CFAP299: variants seen among roughly 807,000 people sequenced by gnomAD.
The protein encoded by CFAP299 is cilia and flagella associated protein 299.
A neutral mutation model predicts 27.0 loss-of-function variants in CFAP299; 21 were observed. The ratio of observed to expected loss-of-function variants is 0.78; its 90% confidence interval spans 0.55 to 1.12. The LOEUF is 1.12. Ranked by LOEUF, CFAP299 falls within the 50% of genes most tolerant of loss-of-function variation. The pLI is 0.00. For missense variants in CFAP299, 310 were observed against 276.6 expected, an observed-to-expected ratio of 1.12 and a Z score of -0.86; for synonymous variants, 104 against 98.1, an observed-to-expected ratio of 1.06 and a Z score of -0.36.
intron 3 of CFAP299, among the ~76,000 whole-genome samples, chr4:80,690,037 A>T (rs964125588): frequency 6.7e-6 from 1 of 149,192 alleles, no homozygotes; most frequent in Admixed American, 6.6e-5. Context: ...ACCCAGATTC[A>T]TAAAGCAAGT....
chr4:80,806,382 T>C (rs17004991), intron 3 of CFAP299, among the ~76,000 whole-genome samples: 11,778 of 152,256 alleles, frequency 0.077, 531 homozygotes, highest in African/African-American at 0.1. Flanking sequence ...TCTGGAGTTG[T>C]GAAGGTGTAC....
intron 4 of CFAP299, among the ~76,000 whole-genome samples, chr4:80,939,933 G>A (rs896220408): frequency 5.0e-4 from 76 of 152,130 alleles, no homozygotes; most frequent in African/African-American, 1.6e-3. Flanking sequence ...CAAGCCAGGT[G>A]TTGAGAGCCT....
intron 2 of CFAP299, among the ~76,000 whole-genome samples, chr4:80,500,913 G>C (rs1731709637): frequency 6.6e-6 from 1 of 152,040 alleles, no homozygotes; most frequent in African/African-American, 2.4e-5. Flanking sequence ...TAGATTTCCT[G>C]GATCTTGAAA....
At chr4:80,794,736 G>T (rs1224676501) in intron 3 of CFAP299, among the ~76,000 whole-genome samples, 1 of 152,184 alleles carries the variant, frequency 6.6e-6, no homozygotes, top group Non-Finnish European at 1.5e-5. Context: ...CTTGGCAGAA[G>T]CATTGTGTGC....
At chr4:80,945,616 T>C (rs1260724776) in intron 5 of CFAP299, among the ~76,000 whole-genome samples, 1 of 152,174 alleles carries the variant, frequency 6.6e-6, no homozygotes. Context: ...CATTTTGTTA[T>C]TGTTTTTAAA....
intron 2 of CFAP299, among the ~76,000 whole-genome samples, chr4:80,565,411 C>G (rs1337634214): frequency 6.6e-6 from 1 of 151,748 alleles, no homozygotes; most frequent in Non-Finnish European, 1.5e-5. Context: ...TTATTAAAAA[C>G]AATATGAACA....
chr4:80,395,174 A>G (rs368212893), intron 2 of CFAP299, among the ~76,000 whole-genome samples: 9 of 151,950 alleles, frequency 5.9e-5, no homozygotes, highest in African/African-American at 9.6e-5. Context: ...TTTTCATGCT[A>G]TTGTAATTGG....
At chr4:80,920,350 G>T (rs1188063863) in intron 4 of CFAP299, among the ~76,000 whole-genome samples, 1 of 152,106 alleles carries the variant, frequency 6.6e-6, no homozygotes, top group Non-Finnish European at 1.5e-5. Flanking sequence ...CAAAGCAGTA[G>T]GGATGGGGTC....
At chr4:80,768,474 C>G (rs1726025176) in intron 3 of CFAP299, among the ~76,000 whole-genome samples, 1 of 152,152 alleles carries the variant, frequency 6.6e-6, no homozygotes, top group South Asian at 2.1e-4. Context: ...TATAAACTAA[C>G]TGGTTGCTCC....
intron 2 of CFAP299, among the ~76,000 whole-genome samples, chr4:80,508,506 A>C (rs951369509): frequency 2.6e-5 from 4 of 151,290 alleles, no homozygotes; most frequent in Admixed American, 2.0e-4. Flanking sequence ...TCTCTTTTAA[A>C]TTGTTATTAT....
At chr4:80,474,072 A>G (rs900454132) in intron 2 of CFAP299, among the ~76,000 whole-genome samples, 1 of 152,234 alleles carries the variant, frequency 6.6e-6, no homozygotes, top group Non-Finnish European at 1.5e-5. Flanking sequence ...AGGTCCTCCA[A>G]TATTAAATTA....
At chr4:80,669,190 T>C (rs1248037075) in intron 3 of CFAP299, among the ~76,000 whole-genome samples, 1 of 139,930 alleles carries the variant, frequency 7.1e-6, no homozygotes, top group African/African-American at 2.7e-5. Flanking sequence ...AGACTAAGTC[T>C]TACTCTGTTG....
intron 3 of CFAP299, among the ~76,000 whole-genome samples, chr4:80,694,797 T>C (rs1455600352): frequency 6.6e-6 from 1 of 152,220 alleles, no homozygotes; most frequent in Non-Finnish European, 1.5e-5. Flanking sequence ...CTAGTTTGTT[T>C]TTGATGTGTA....
intron 3 of CFAP299, among the ~76,000 whole-genome samples, chr4:80,691,334 G>A (rs879346726): frequency 1.9e-3 from 248 of 127,842 alleles, no homozygotes; most frequent in Non-Finnish European, 2.9e-3. Flanking sequence ...ACATCAAAAA[G>A]CTTATCCACC....
chr4:80,864,409 T>C (rs537225139), intron 3 of CFAP299, among the ~76,000 whole-genome samples: 1 of 145,374 alleles, frequency 6.9e-6, no homozygotes, highest in Non-Finnish European at 1.5e-5. Context: ...TATATATGTG[T>C]GTGTATGTGT....
At chr4:80,885,998 C>G (rs746131816) in intron 4 of CFAP299, among the ~76,000 whole-genome samples, 1 of 152,262 alleles carries the variant, frequency 6.6e-6, no homozygotes, top group Non-Finnish European at 1.5e-5. Context: ...AGTCCCAGGC[C>G]TGGTAACATT....
chr4:80,482,083 G>C (rs763921815), intron 2 of CFAP299, among the ~76,000 whole-genome samples: 1 of 151,876 alleles, frequency 6.6e-6, no homozygotes, highest in Non-Finnish European at 1.5e-5. Flanking sequence ...AGAAAATCTT[G>C]TAAAGTGGCT....
intron 1 of CFAP299, among the ~76,000 whole-genome samples, chr4:80,350,284 T>G (rs762964609): frequency 6.6e-5 from 10 of 151,850 alleles, no homozygotes; most frequent in Non-Finnish European, 1.5e-4. Flanking sequence ...GCAGAATAAA[T>G]GCAAAGAAAA....
chr4:80,837,647 G>T (rs184195552), intron 3 of CFAP299, among the ~76,000 whole-genome samples: 37 of 152,244 alleles, frequency 2.4e-4, no homozygotes, highest in African/African-American at 8.7e-4. Context: ...AGTGTTCCAT[G>T]GTGTATATGT....
Sources: allele counts gnomAD v4.1 joint callset (sites outside exome capture counted in the v4.1 genomes callset), GRCh38; gene constraint gnomAD v4.1.1; transcripts MANE v1.5; gene names NCBI Gene and HGNC (gene_info 2026-07-23, HGNC 2026-07-21).